The following NEBL variants were observed in gnomAD, a reference collection of about 807,000 sequenced individuals.
The protein encoded by NEBL is LIM and SH3 protein 2.
Under a neutral mutation model 140.2 loss-of-function variants are expected in NEBL, and 122 were observed. That is an observed-to-expected ratio of 0.87 (90% CI 0.75 to 1.01). NEBL has a LOEUF of 1.01. NEBL is among the 50% of genes least tolerant of loss of function. NEBL has a pLI of 0.00. For missense variants in NEBL, 1,365 were observed against 1,231.3 expected, an observed-to-expected ratio of 1.11 and a Z score of -1.62; for synonymous variants, 436 against 398.9, an observed-to-expected ratio of 1.09 and a Z score of -1.11.
At chr10:21,016,528 A>G (rs1233005291) in intron 3 of NEBL, among the ~76,000 whole-genome samples, 1 of 152,234 alleles carries the variant, frequency 6.6e-6, no homozygotes, top group Admixed American at 6.5e-5. Context: ...ATTGAATTGG[A>G]AAATATATTT....
intron 24 of NEBL, among the ~76,000 whole-genome samples, chr10:20,812,523 A>C (rs1267164154): frequency 6.9e-6 from 1 of 144,966 alleles, no homozygotes; most frequent in East Asian, 2.1e-4. Context: ...GAACATTCTT[A>C]AAATTAGCAA....
At chr10:21,053,910 G>A (rs1392288597) in intron 2 of NEBL, among the ~76,000 whole-genome samples, 1 of 152,144 alleles carries the variant, frequency 6.6e-6, no homozygotes, top group Non-Finnish European at 1.5e-5. Flanking sequence ...GTTCGCACCT[G>A]TAATCCCAGC....
intron 3 of NEBL, among the ~76,000 whole-genome samples, chr10:21,198,996 T>A (rs1841693133): frequency 6.6e-6 from 1 of 151,670 alleles, no homozygotes; most frequent in South Asian, 2.1e-4. Flanking sequence ...TTATTTATTT[T>A]TATTTTTATT....
chr10:21,232,684 T>C (rs72798594), intron 3 of NEBL, among the ~76,000 whole-genome samples: 6,139 of 152,240 alleles, frequency 0.04, 193 homozygotes, highest in South Asian at 0.14. Flanking sequence ...GGAGCTCACG[T>C]GGTAATTCAA....
At chr10:21,243,377 G>T (rs1842467720) in intron 3 of NEBL, among the ~76,000 whole-genome samples, 1 of 148,158 alleles carries the variant, frequency 6.7e-6, no homozygotes, top group Non-Finnish European at 1.5e-5. Context: ...TACAATCTCA[G>T]CTCACTGCAA....
Position 20,823,192 on chromosome 10 carries a change from T to C in NEBL, c.1962+16A>G. 1 of 1,577,602 alleles carries C rather than the reference T, an allele frequency of 6.3e-7. No homozygotes were observed. Among genetic ancestry groups the C allele is most frequent in the Non-Finnish European group, 8.7e-7 (1 of 1,152,644 alleles). On this transcript the variant is annotated intron_variant, in intron 19 of 27. Transcript: ENST00000377122. ...TACAATAAAATTTTTAAAAAATACT[T>C]AAGAAATATGATCACATTGCTGATG... is the stretch of plus-strand genomic sequence containing the variant.
At chr10:21,249,572 C>T (rs1244462162) in intron 2 of NEBL, among the ~76,000 whole-genome samples, 2 of 150,724 alleles carry the variant, frequency 1.3e-5, no homozygotes, top group African/African-American at 4.9e-5. Flanking sequence ...GGTAAGGGTC[C>T]TATTTAAATA....
At chr10:21,189,725 C>G (rs535209409) in intron 3 of NEBL, among the ~76,000 whole-genome samples, 2 of 152,288 alleles carry the variant, frequency 1.3e-5, no homozygotes, top group East Asian at 1.9e-4. Flanking sequence ...CCTCGGCCCC[C>G]CAAAGTGCTG....
At chr10:21,051,825 A>G (rs1589177419) in intron 2 of NEBL, among the ~76,000 whole-genome samples, 1 of 152,196 alleles carries the variant, frequency 6.6e-6, no homozygotes, top group African/African-American at 2.4e-5. Flanking sequence ...TACATATTCA[A>G]TGTATACAAC....
chr10:21,110,677 A>T, intron 2 of NEBL: 1 of 461,010 alleles, frequency 2.2e-6, no homozygotes, highest in South Asian at 1.6e-5. Flanking sequence ...ATATGCCACC[A>T]CCCCATGGAA....
At chr10:20,972,221 C>A (rs542384724) in intron 3 of NEBL, among the ~76,000 whole-genome samples, 1 of 152,140 alleles carries the variant, frequency 6.6e-6, no homozygotes, top group Non-Finnish European at 1.5e-5. Flanking sequence ...CTCAAAGTCT[C>A]GTCACAGCTG....
chr10:20,812,579 T>A (rs71578963), intron 24 of NEBL, among the ~76,000 whole-genome samples, 190 bp downstream of exon 24: 1 of 150,878 alleles, frequency 6.6e-6, no homozygotes, highest in Non-Finnish European at 1.5e-5. Context: ...CTTGAGATGA[T>A]ACCAGGTGAA....
intron 4 of NEBL, among the ~76,000 whole-genome samples, chr10:20,914,426 A>G (rs1848452391): frequency 6.6e-6 from 1 of 152,224 alleles, no homozygotes; most frequent in Non-Finnish European, 1.5e-5. Flanking sequence ...ATTACCCTCT[A>G]TGTTTCCTAT....
chr10:21,033,599 G>T (rs527615523), intron 2 of NEBL, among the ~76,000 whole-genome samples: 1 of 152,116 alleles, frequency 6.6e-6, no homozygotes, highest in East Asian at 1.9e-4. Flanking sequence ...AATTAGCCAG[G>T]CATGGCGGTG....
chr10:21,217,566 G>A (rs1842011470), intron 3 of NEBL, among the ~76,000 whole-genome samples: 1 of 152,152 alleles, frequency 6.6e-6, no homozygotes. Context: ...GTAGGCTTTG[G>A]GTGCCACACA....
chr10:21,282,522 AAAG>A (rs778571781), intron 1 of NEBL, among the ~76,000 whole-genome samples: 23 of 152,184 alleles, frequency 1.5e-4, no homozygotes, highest in South Asian at 4.1e-4. Flanking sequence ...GGGGGAAAAA[AAAG>A]AAGAAGAAGC....
At chr10:21,111,451 T>A (rs906716706) in intron 2 of NEBL, among the ~76,000 whole-genome samples, 4 of 151,946 alleles carry the variant, frequency 2.6e-5, no homozygotes, top group African/African-American at 9.7e-5. Flanking sequence ...TCTACAACCA[T>A]CTGATCTTTG....
chr10:20,886,989 G>A (rs553377087), intron 4 of NEBL, among the ~76,000 whole-genome samples: 28 of 152,174 alleles, frequency 1.8e-4, no homozygotes, highest in Non-Finnish European at 3.5e-4. Context: ...AGCAAGGAAC[G>A]AGACAGATGA....
chr10:21,128,841 T>C (rs1216669940), intron 2 of NEBL, among the ~76,000 whole-genome samples: 3 of 152,114 alleles, frequency 2.0e-5, no homozygotes, highest in Non-Finnish European at 4.4e-5. Flanking sequence ...AACTCCCACT[T>C]GAATCTCCAT....
Sources: allele counts gnomAD v4.1 joint callset (sites outside exome capture counted in the v4.1 genomes callset), GRCh38; gene constraint gnomAD v4.1.1; transcripts MANE v1.5; gene names NCBI Gene and HGNC (gene_info 2026-07-23, HGNC 2026-07-21).